Variants in HERC2 observed in about 807,000 individuals in gnomAD.
HERC2 encodes HECT and RLD domain containing E3 ubiquitin protein ligase 2, also known as E3 ubiquitin-protein ligase HERC2.
Under a neutral mutation model 537.7 loss-of-function variants are expected in HERC2, and 102 were observed. That is an observed-to-expected ratio of 0.19 (90% CI 0.16 to 0.22). The LOEUF (loss-of-function observed/expected upper bound fraction) is 0.22, where lower values mean the gene tolerates loss of function less well. HERC2 is among the 10% of genes least tolerant of loss of function. The probability of loss-of-function intolerance (pLI) is 1.00; values close to 1 mark genes in which losing one functional copy is unlikely to be tolerated. For missense variants in HERC2, 4,236 were observed against 6,198.2 expected, an observed-to-expected ratio of 0.68 and a Z score of 10.63; for synonymous variants, 2,224 against 2,466.2, an observed-to-expected ratio of 0.90 and a Z score of 2.91.
At chr15:28,235,377 C>T (rs1902318990) in intron 26 of HERC2, among the ~76,000 whole-genome samples, 1 of 152,052 alleles carries the variant, frequency 6.6e-6, no homozygotes, top group Admixed American at 6.5e-5. Context: ...GCCCTCCTTG[C>T]CAATTTAAAC....
intron 52 of HERC2, among the ~76,000 whole-genome samples, chr15:28,192,775 T>C (rs1896970390): frequency 6.6e-6 from 1 of 151,990 alleles, no homozygotes; most frequent in African/African-American, 2.4e-5. Flanking sequence ...AGACGACACA[T>C]AGCATTTTGA....
chr15:28,126,136 TA>T (rs551547913), intron 83 of HERC2, among the ~76,000 whole-genome samples: 39 of 150,858 alleles, frequency 2.6e-4, no homozygotes, highest in Non-Finnish European at 3.5e-4. Flanking sequence ...AAAATAAGAA[TA>T]AAAAAAAATA....
At chr15:28,158,823 T>A (rs1359439223) in intron 69 of HERC2, among the ~76,000 whole-genome samples, 3 of 152,242 alleles carry the variant, frequency 2.0e-5, no homozygotes, top group Admixed American at 2.0e-4. Context: ...TGCAGTTTCT[T>A]CCTAGCATTG....
In HERC2 at chr15:28,225,524, C is replaced by T. The variant is rs181861441; in HGVS notation, c.5464+2694G>A. On this transcript the variant is annotated intron_variant, in intron 35 of 92. Transcript: ENST00000261609. The stretch of plus-strand genomic sequence containing the variant: ...CATCCTGGTCAACACGGTGAAACCC[C>T]GTCTCCACTAAAAATACAAAAAAAT... Among the ~76,000 whole-genome samples, 163 of 151,680 alleles carry T rather than the reference C, an allele frequency of 1.1e-3. 3 individuals carry two copies. In the Middle Eastern group the frequency reaches 0.017, roughly 16 times the overall value.
chr15:28,167,811 T>C lies in HERC2; in HGVS notation c.10430A>G (p.Asp3477Gly). The change falls in exon 68 of 93, where the codon GAC becomes GGC. Residue 3477 changes from aspartate (D) to glycine (G), a missense_variant. Transcript: ENST00000261609. ...AGTCACTGCAGAGGGGGTCACTGCG[T>C]CCTCAGAGGAAACAATCTAGTCCAA... ...QEKREIVSSE[D>G]AVTPSAVTPS... 1 of 1,613,172 alleles carries C rather than the reference T, an allele frequency of 6.2e-7. No homozygotes were observed. Among genetic ancestry groups the C allele is most frequent in the African/African-American group, 1.3e-5 (1 of 74,936 alleles).
intron 88 of HERC2, 149 bp from the exon 89 acceptor site, chr15:28,115,690 C>T (rs1888151389): frequency 3.3e-6 from 2 of 599,740 alleles, no homozygotes; most frequent in South Asian, 4.1e-5. Context: ...CTAGGCCCTT[C>T]CTCAAGACCG....
At chr15:28,269,206 C>T (rs757607420) in intron 11 of HERC2, 42 bp downstream of exon 11, 1 of 1,550,236 alleles carries the variant, frequency 6.5e-7, no homozygotes, top group Non-Finnish European at 8.8e-7. Context: ...CAGACCCTGC[C>T]CCGCAAGGGA....
At position 28,112,014 on chromosome 15, in the gene HERC2, G is replaced by C; in HGVS notation, c.14254C>G (p.Pro4752Ala). 6.2e-7 allele frequency: 1 copy of C among 1,614,008 alleles called. No individual in the cohort carries two copies. Among genetic ancestry groups the C allele is most frequent in the Non-Finnish European group, 8.5e-7 (1 of 1,179,962 alleles). ...TAGGACTCAGGGAGGAAGTGGTCTG[G>C]AGGGTTGTATTTATCCAACACCTGT... Reference protein sequence around the residue: ...VIQVLDKYNPPDHFLPESYTC... With the variant: ...VIQVLDKYNPADHFLPESYTC... Residue 4752 changes from proline to alanine, a missense_variant, in exon 93 of 93, where the codon CCA becomes GCA. Physicochemically the swap from Pro to Ala is conservative, Grantham distance 27. Transcript: ENST00000261609.
intron 20 of HERC2, among the ~76,000 whole-genome samples, chr15:28,252,966 G>A (rs923771482): frequency 6.6e-6 from 1 of 152,176 alleles, no homozygotes; most frequent in African/African-American, 2.4e-5. Flanking sequence ...TGAGAGCTGT[G>A]GCCACTGCCC....
intron 63 of HERC2, 102 bp from the exon 64 acceptor site, chr15:28,175,758 G>T (rs1895223598): frequency 9.0e-7 from 1 of 1,107,384 alleles, no homozygotes; most frequent in Admixed American, 1.9e-5. Flanking sequence ...CCAGCTCAAT[G>T]ACATCACACA....
intron 4 of HERC2, among the ~76,000 whole-genome samples, chr15:28,284,920 A>AAAG (rs2076116128): frequency 3.0e-5 from 1 of 33,206 alleles, no homozygotes; most frequent in African/African-American, 1.2e-4. Flanking sequence ...TCCGTCTCGG[A>AAAG]AAAAAAAAAA....
chr15:28,289,859 G>A lies in HERC2; in HGVS notation c.322+3029C>T, dbSNP rs79256199. Among the ~76,000 whole-genome samples the A allele has an allele frequency of 8.7e-4, 132 of 151,920 alleles. 2 individuals carry two copies. Among genetic ancestry groups the A allele is most frequent in the African/African-American group, 2.7e-3 (113 of 41,434 alleles). On this transcript the variant is annotated intron_variant, in intron 4 of 92. Transcript: ENST00000261609. The stretch of plus-strand genomic sequence containing the variant: ...CACCTCAGTGAGAGGATGACACGCC[G>A]CAGTGAAAGGACGACACATCTGAGA...
intron 5 of HERC2, among the ~76,000 whole-genome samples, chr15:28,277,779 G>C (rs1022811874): frequency 9.9e-5 from 15 of 152,092 alleles, no homozygotes; most frequent in Admixed American, 7.2e-4. Context: ...CTGTCTCTTG[G>C]TTTAATTTAC....
intron 21 of HERC2, among the ~76,000 whole-genome samples, chr15:28,247,745 T>A (rs1376815389): frequency 6.6e-6 from 1 of 152,192 alleles, no homozygotes; most frequent in Non-Finnish European, 1.5e-5. Flanking sequence ...TGGTTCTTAA[T>A]AGCTTTTCAG....
intron 2 of HERC2, among the ~76,000 whole-genome samples, chr15:28,311,412 C>A (rs1441957270): frequency 6.6e-6 from 1 of 152,244 alleles, no homozygotes; most frequent in African/African-American, 2.4e-5. Flanking sequence ...CTGCAGTGAG[C>A]CGTGACGGTG....
In HERC2 at chr15:28,229,842, T is replaced by C. The variant is rs748383571; in HGVS notation, c.4815A>G (p.Lys1605=). The change falls in exon 32 of 93, where the codon AAA becomes AAG. Residue 1605 remains lysine (K), a synonymous_variant. Coordinates refer to ENST00000261609, the MANE Select transcript of HERC2 (RefSeq NM_004667.6). The stretch of plus-strand genomic sequence containing the variant: ...TAACAGTACTCAACAGCGGCTGCCA[T>C]TTGTCCTAACAAAGGAAAACAATTT... The part of the protein sequence containing the change: ...RPIAIKSPKD[K]WQPLLSTVTG... The C allele has an allele frequency of 8.2e-7, 1 of 1,221,570 alleles. No homozygotes were observed. The highest frequency in any genetic ancestry group is 1.2e-5 in the South Asian group (1 of 81,478). 75.7% of individuals were successfully genotyped at this position (1,221,570 alleles called of 1,614,324 possible). A position where few individuals can be genotyped will look rare whatever the true frequency, so the allele number is the denominator to read the frequency against.
In HERC2 at chr15:28,210,983, G is replaced by T. The variant is rs754942125; in HGVS notation, c.7069+19C>A. The T allele has an allele frequency of 3.4e-6, 4 of 1,179,988 alleles. No homozygotes were observed. The highest frequency in any genetic ancestry group is 3.4e-5 in the Admixed American group (2 of 59,116). 73.1% of individuals were successfully genotyped at this position (1,179,988 alleles called of 1,614,324 possible). On this transcript the variant is annotated intron_variant, in intron 44 of 92. Coordinates refer to ENST00000261609, the MANE Select transcript of HERC2 (RefSeq NM_004667.6). ...TACTGCCCTTCTTATAAAGATTTAA[G>T]AACTTTTTAAAAAGACACCTGTGTG...
chr15:28,301,578 C>T (rs1351355314), intron 2 of HERC2, among the ~76,000 whole-genome samples: 3 of 148,278 alleles, frequency 2.0e-5, no homozygotes, highest in African/African-American at 7.4e-5. Flanking sequence ...ATTTCAGACA[C>T]TGGGGGAAGG....
chr15:28,257,520 C>T (rs1567081349), intron 16 of HERC2, among the ~76,000 whole-genome samples: 2 of 152,112 alleles, frequency 1.3e-5, no homozygotes, highest in African/African-American at 4.8e-5. Flanking sequence ...ACTCTCAAAA[C>T]GATTAATGAC....
Sources: allele counts gnomAD v4.1 joint callset (sites outside exome capture counted in the v4.1 genomes callset), GRCh38; gene constraint gnomAD v4.1.1; transcripts MANE v1.5; gene names NCBI Gene and HGNC (gene_info 2026-07-23, HGNC 2026-07-21).